Variants in SEPTIN9 observed in about 807,000 individuals in gnomAD.
SEPTIN9 encodes septin 9, also known as septin-9.
In SEPTIN9, 13 loss-of-function variants were observed where a neutral mutation model predicts 56.6. The observed-to-expected ratio is 0.23, with a 90% confidence interval of 0.15 to 0.37. The LOEUF (loss-of-function observed/expected upper bound fraction) is 0.37. SEPTIN9 is among the 10% of genes least tolerant of loss of function. The pLI is 1.00. For synonymous variants in SEPTIN9, 332 were observed against 334.1 expected (o/e 0.99, Z 0.07); for missense variants, 650 against 823.1 (o/e 0.79, Z 2.57).
chr17:77,397,155 C>G (rs896887728), intron 2 of SEPTIN9: 1 of 154,762 alleles, frequency 6.5e-6, no homozygotes, highest in Non-Finnish European at 1.5e-5. Context: ...AAGATTGATT[C>G]GCTCATGGTT....
chr17:77,439,820 G>A (rs570574465), intron 3 of SEPTIN9, among the ~76,000 whole-genome samples: 1 of 152,332 alleles, frequency 6.6e-6, no homozygotes, highest in South Asian at 2.1e-4. Context: ...TGCCTGGGGC[G>A]CCTCCTTCCC....
At chr17:77,395,276 G>A (rs11655461) in intron 2 of SEPTIN9, among the ~76,000 whole-genome samples, 34,989 of 151,744 alleles carry the variant, frequency 0.23, 4,253 homozygotes, top group East Asian at 0.46. Context: ...GCCTGTAATC[G>A]CAGCACTTTG....
Position 77,438,154 on chromosome 17 carries a change from C to G in SEPTIN9, c.721+35451C>G, listed in dbSNP as rs535112488. 2.0e-5 allele frequency among the ~76,000 whole-genome samples: 3 copies of G among 152,328 alleles called. No individual in the cohort carries two copies. In the East Asian group the frequency reaches 5.8e-4, roughly 29 times the overall value. On this transcript the variant is annotated intron_variant, in intron 3 of 11. Coordinates refer to ENST00000427177, the MANE Select transcript of SEPTIN9 (RefSeq NM_001113491.2). ...AGAAGCCGTTGGGCCGAGGTCAGTT[C>G]TTATAGATTTGGCGAGGAGGGAACA...
intron 3 of SEPTIN9, among the ~76,000 whole-genome samples, chr17:77,463,902 G>A (rs1250799722): frequency 6.6e-6 from 1 of 152,038 alleles, no homozygotes; most frequent in Non-Finnish European, 1.5e-5. Flanking sequence ...CGCTGAAAAT[G>A]TCAAATCCTA....
At chr17:77,431,281 T>TC (rs1344230933) in intron 3 of SEPTIN9, among the ~76,000 whole-genome samples, 5 of 152,086 alleles carry the variant, frequency 3.3e-5, no homozygotes, top group Non-Finnish European at 5.9e-5. Context: ...GTACTCCAGC[T>TC]CCTGGGTGAC....
chr17:77,333,986 T>C (rs1404248460), intron 2 of SEPTIN9, among the ~76,000 whole-genome samples: 1 of 152,210 alleles, frequency 6.6e-6, no homozygotes, highest in Non-Finnish European at 1.5e-5. Context: ...CATTTTATAA[T>C]GCTTGAAAGA....
At chr17:77,385,642 G>T (rs74255255) in intron 2 of SEPTIN9, among the ~76,000 whole-genome samples, 4 of 152,356 alleles carry the variant, frequency 2.6e-5, no homozygotes, top group African/African-American at 9.6e-5. Context: ...AGCAGAGGCC[G>T]GAAAGTGTCA....
intron 3 of SEPTIN9, among the ~76,000 whole-genome samples, chr17:77,481,650 C>A (rs927134384): frequency 6.6e-6 from 1 of 150,882 alleles, no homozygotes; most frequent in Non-Finnish European, 1.5e-5. Context: ...GCTCGTGGAT[C>A]GGCTTCTAAG....
At chr17:77,428,852 AG>A in intron 3 of SEPTIN9, 1 of 394,046 alleles carries the variant, frequency 2.5e-6, no homozygotes. Context: ...CCATGGGTTC[AG>A]AAGCTGATAA....
At chr17:77,370,264 G>A (rs904422842) in intron 2 of SEPTIN9, among the ~76,000 whole-genome samples, 3 of 152,188 alleles carry the variant, frequency 2.0e-5, no homozygotes, top group Non-Finnish European at 4.4e-5. Context: ...AAGACTCCAG[G>A]GGAAAACCTT....
chr17:77,482,716 C>A, intron 4 of SEPTIN9: 3 of 589,000 alleles, frequency 5.1e-6, no homozygotes, highest in East Asian at 2.8e-5. Context: ...CCACCGCACC[C>A]CACCGCACCC....
At chr17:77,358,339 G>A (rs1395721749) in intron 2 of SEPTIN9, among the ~76,000 whole-genome samples, 1 of 152,210 alleles carries the variant, frequency 6.6e-6, no homozygotes, top group African/African-American at 2.4e-5. Flanking sequence ...TACCAAAACT[G>A]GCTAGGCACG....
At chr17:77,293,371 A>G (rs1053524321) in intron 1 of SEPTIN9, among the ~76,000 whole-genome samples, 4 of 152,084 alleles carry the variant, frequency 2.6e-5, no homozygotes, top group Non-Finnish European at 4.4e-5. Flanking sequence ...TATGTTGCCC[A>G]GGTTGGTCTT....
At chr17:77,465,944 G>C (rs1428718547) in intron 3 of SEPTIN9, among the ~76,000 whole-genome samples, 1 of 152,022 alleles carries the variant, frequency 6.6e-6, no homozygotes, top group Non-Finnish European at 1.5e-5. Context: ...TTCAAACCAA[G>C]GGAGACAAGA....
chr17:77,450,032 C>T lies in SEPTIN9; in HGVS notation c.722-32112C>T, dbSNP rs1243301311. On this transcript the variant is annotated intron_variant, in intron 3 of 11. Coordinates refer to ENST00000427177, the MANE Select transcript of SEPTIN9 (RefSeq NM_001113491.2). This position sits in a 1 kb window ranked among gnomAD's most constrained non-coding sequence, Gnocchi z 6.0. The stretch of plus-strand genomic sequence containing the variant: ...GATGGGAACAGGGACTCCGGGCATG[C>T]AGTCTTCTCCCAGACACTCCCCCGG... 6.6e-6 allele frequency among the ~76,000 whole-genome samples: 1 copy of T among 152,062 alleles called. No individual in the cohort carries two copies. Among genetic ancestry groups the T allele is most frequent in the African/African-American group, 2.4e-5 (1 of 41,452 alleles).
At chr17:77,430,643 A>G (rs1598361896) in intron 3 of SEPTIN9, among the ~76,000 whole-genome samples, 1 of 152,148 alleles carries the variant, frequency 6.6e-6, no homozygotes, top group South Asian at 2.1e-4. Context: ...CTGACAGCTC[A>G]CTGGAACTTT....
At chr17:77,297,072 G>A (rs184131821) in intron 1 of SEPTIN9, among the ~76,000 whole-genome samples, 1 of 152,296 alleles carries the variant, frequency 6.6e-6, no homozygotes, top group East Asian at 1.9e-4. Context: ...ATGATAGATA[G>A]ATAGGAAGGA....
intron 3 of SEPTIN9, among the ~76,000 whole-genome samples, chr17:77,448,083 T>C (rs1351481935): frequency 6.6e-6 from 1 of 152,200 alleles, no homozygotes; most frequent in Non-Finnish European, 1.5e-5. Context: ...ATGTGGCTTG[T>C]AGACATGGTG....
rs1272026048 is a variant in SEPTIN9, at chr17:77,327,999, G to A, written c.76+20802G>A. ...TATCCAGGGCATCCCCATGCCCAGG[G>A]TGTCCCCGTGCCTAGTGTGTCCCTG... On this transcript the variant is annotated intron_variant, in intron 2 of 11. Coordinates refer to ENST00000427177, the MANE Select transcript of SEPTIN9 (RefSeq NM_001113491.2). This position sits in a 1 kb window ranked among gnomAD's most constrained non-coding sequence, Gnocchi z 5.0. 6.6e-6 allele frequency among the ~76,000 whole-genome samples: 1 copy of A among 151,772 alleles called. No individual in the cohort carries two copies. Among genetic ancestry groups the A allele is most frequent in the Admixed American group, 6.5e-5 (1 of 15,272 alleles).
Sources: gnomAD v4.1 joint callset for allele counts (sites outside exome capture counted in the v4.1 genomes callset) on GRCh38, gnomAD v4.1.1 for gene constraint, Gnocchi (gnomAD v3.1) non-coding constraint, MANE v1.5 for transcripts, NCBI Gene and HGNC (gene_info 2026-07-23, HGNC 2026-07-21) for gene names.